The following ANKRD12 variants were observed in gnomAD, a reference collection of about 807,000 sequenced individuals.
ANKRD12 encodes the protein ankyrin repeat domain-containing protein 12.
Under a neutral mutation model 183.4 loss-of-function variants are expected in ANKRD12, and 85 were observed. That is an observed-to-expected ratio of 0.46 (90% confidence interval 0.39 to 0.56). ANKRD12 has a LOEUF of 0.56. Among genes scored for constraint, ANKRD12 ranks in the 20% least tolerant of loss-of-function variants. ANKRD12 has a pLI of 0.00. For synonymous variants in ANKRD12, 914 were observed against 800.2 expected (o/e 1.14, Z -2.40); for missense variants, 2,405 against 2,357.1 (o/e 1.02, Z -0.42).
intron 1 of ANKRD12, among the ~76,000 whole-genome samples, chr18:9,178,069 C>T (rs1284975452): frequency 1.3e-5 from 2 of 151,998 alleles, no homozygotes; most frequent in African/African-American, 2.4e-5. Context: ...GCCAGCATGG[C>T]TGGCTTTTCA....
At chr18:9,209,052 T>C (rs2035636928) in intron 5 of ANKRD12, among the ~76,000 whole-genome samples, 1 of 152,174 alleles carries the variant, frequency 6.6e-6, no homozygotes, top group African/African-American at 2.4e-5. Flanking sequence ...TTTATTAAGA[T>C]CTAAATTTTT....
At chr18:9,149,247 G>T (rs749177008) in intron 1 of ANKRD12, among the ~76,000 whole-genome samples, 2 of 152,176 alleles carry the variant, frequency 1.3e-5, no homozygotes, top group Non-Finnish European at 2.9e-5. Flanking sequence ...GTTCCATTAT[G>T]TGACATGTAA....
At chr18:9,183,133 A>G (rs545609459) in intron 2 of ANKRD12, among the ~76,000 whole-genome samples, 3 of 152,294 alleles carry the variant, frequency 2.0e-5, no homozygotes, top group African/African-American at 7.2e-5. Context: ...CTCCACTGCA[A>G]CCCTAAACCC....
chr18:9,241,814 A>G (rs2037679036), intron 8 of ANKRD12, among the ~76,000 whole-genome samples: 1 of 152,130 alleles, frequency 6.6e-6, no homozygotes, highest in Admixed American at 6.5e-5. Flanking sequence ...CTCTGTCTTA[A>G]GCAAACAGAA....
intron 1 of ANKRD12, among the ~76,000 whole-genome samples, chr18:9,154,179 T>C (rs1395570482): frequency 5.9e-5 from 9 of 152,142 alleles, no homozygotes; most frequent in Non-Finnish European, 5.9e-5. Context: ...CCCAGCACTT[T>C]GGGAGGCCGA....
rs576647084 is a variant in ANKRD12 at position 9,258,098 on chromosome 18, T to G, written c.4831T>G (p.Tyr1611Asp). The change falls in exon 9 of 13, where the codon TAC becomes GAC. Residue 1611 changes from tyrosine (Y) to aspartate (D), a missense_variant. By Grantham distance (160) the Tyr-to-Asp change is radical. Coordinates refer to ENST00000262126, the MANE Select transcript of ANKRD12 (RefSeq NM_015208.5). ...ACATTATGCATTTAGCAAACTAACT[T>G]ACAAGTCTTCCAGTGGCCATGAAGT... ...NTHYAFSKLT[Y>D]KSSSGHEVEN... is the part of the protein sequence containing the mutation. 1.9e-6 allele frequency: 3 copies of G among 1,613,304 alleles called. No individual in the cohort carries two copies. The African/African-American group carries it at 4.0e-5, about 22-fold the overall frequency.
At chr18:9,197,313 GATAT>G (rs1234373100) in intron 3 of ANKRD12, among the ~76,000 whole-genome samples, 19 of 152,178 alleles carry the variant, frequency 1.2e-4, no homozygotes, top group Non-Finnish European at 2.5e-4. Flanking sequence ...CTTTAGTTGG[GATAT>G]CGCAGCTCTC....
chr18:9,207,927 C>CATTAAGTTCCCCA (rs1351207327), intron 4 of ANKRD12, among the ~76,000 whole-genome samples: 1 of 152,176 alleles, frequency 6.6e-6, no homozygotes, highest in East Asian at 1.9e-4. Flanking sequence ...TTTGCTGACA[C>CATTAAGTTCCCCA]TTAATGGGGA....
intron 1 of ANKRD12, among the ~76,000 whole-genome samples, chr18:9,157,604 T>TATATATATA (rs1491418837): frequency 2.2e-5 from 1 of 45,924 alleles, no homozygotes; most frequent in Non-Finnish European, 6.7e-5. Context: ...TATATATGTA[T>TATATATATA]TTTTTTTTTT....
intron 8 of ANKRD12, among the ~76,000 whole-genome samples, chr18:9,245,898 G>A (rs1029871249): frequency 1.3e-5 from 2 of 152,268 alleles, no homozygotes; most frequent in South Asian, 4.1e-4. Flanking sequence ...TATATTTGGT[G>A]TCTTTTATAT....
rs1174598622 is a variant in ANKRD12, at chr18:9,253,094, ATAGT to A, written c.944-1115_944-1112del. Among the ~76,000 whole-genome samples, 4 of 152,158 alleles carry A rather than the reference ATAGT, an allele frequency of 2.6e-5. No homozygotes were observed. The South Asian group carries it at 8.3e-4, about 31-fold the overall frequency. The stretch of plus-strand genomic sequence containing the variant: ...AATGTTTAACAATTATGGATACATA[ATAGT>A]TGTACATAATTTGTGGGGTACATGT... On this transcript the variant is annotated intron_variant, in intron 8 of 12. Coordinates refer to ENST00000262126, the MANE Select transcript of ANKRD12 (RefSeq NM_015208.5).
chr18:9,167,878 T>C (rs890681023), intron 1 of ANKRD12, among the ~76,000 whole-genome samples: 4 of 152,202 alleles, frequency 2.6e-5, no homozygotes, highest in Admixed American at 2.6e-4. Context: ...TCTTATTGTT[T>C]TGAGATACGT....
intron 8 of ANKRD12, among the ~76,000 whole-genome samples, chr18:9,244,898 A>G (rs1349942391): frequency 1.3e-5 from 2 of 152,220 alleles, no homozygotes; most frequent in Non-Finnish European, 2.9e-5. Context: ...TAAGCTATTA[A>G]AAATGTTTCT....
intron 7 of ANKRD12, among the ~76,000 whole-genome samples, chr18:9,220,619 C>G (rs1598601110): frequency 6.6e-6 from 1 of 152,210 alleles, no homozygotes; most frequent in East Asian, 1.9e-4. Context: ...TTAGTGAACT[C>G]CATTTGGGTC....
At chr18:9,178,033 A>G (rs2033412812) in intron 1 of ANKRD12, among the ~76,000 whole-genome samples, 1 of 152,226 alleles carries the variant, frequency 6.6e-6, no homozygotes, top group South Asian at 2.1e-4. Context: ...AGTCCTTTAT[A>G]AAGATGTGAT....
chr18:9,277,253 C>G (rs375349382), intron 11 of ANKRD12, among the ~76,000 whole-genome samples: 1 of 150,280 alleles, frequency 6.7e-6, no homozygotes, highest in African/African-American at 2.4e-5. Context: ...CCAAGGAGTT[C>G]GAGCCTGCAG....
intron 3 of ANKRD12, among the ~76,000 whole-genome samples, chr18:9,199,176 C>A (rs2035022753): frequency 6.6e-6 from 1 of 152,038 alleles, no homozygotes; most frequent in African/African-American, 2.4e-5. Flanking sequence ...TGCCTGTAAT[C>A]CCAGCTACTC....
Position 9,255,576 on chromosome 18 carries a change from T to A in ANKRD12, c.2309T>A (p.Leu770Gln), listed in dbSNP as rs1311930728. The change falls in exon 9 of 13, where the codon CTA (leucine) becomes CAA (glutamine). Residue 770 changes from leucine to glutamine, a missense_variant. Physicochemically the swap from Leu to Gln is moderately radical, Grantham distance 113 (BLOSUM62 -2). Coordinates refer to ENST00000262126, the MANE Select transcript of ANKRD12 (RefSeq NM_015208.5). Reference protein sequence around the residue: ...KSFREEKIKDLKEERENIPTD... With the variant: ...KSFREEKIKDQKEERENIPTD... ...TTTAGGGAGGAAAAAATAAAAGATC[T>A]AAAAGAAGAGAGAGAAAACATACCC... is the stretch of plus-strand genomic sequence containing the variant. 1 of 1,568,968 alleles carries A rather than the reference T, an allele frequency of 6.4e-7. No individual in the cohort carries two copies. The highest frequency in any genetic ancestry group is 2.3e-5 in the East Asian group (1 of 44,148).
chr18:9,270,764 T>C (rs1385754792), intron 10 of ANKRD12, among the ~76,000 whole-genome samples: 1 of 152,160 alleles, frequency 6.6e-6, no homozygotes, highest in African/African-American at 2.4e-5. Flanking sequence ...CTTAAAAGTA[T>C]AATATAAAAA....
Sources: gnomAD v4.1 joint callset for allele counts (sites outside exome capture counted in the v4.1 genomes callset) on GRCh38, gnomAD v4.1.1 for gene constraint, MANE v1.5 for transcripts, NCBI Gene and HGNC (gene_info 2026-07-23, HGNC 2026-07-21) for gene names.